DGKB: variants seen among roughly 807,000 people sequenced by gnomAD.
The protein encoded by DGKB is diacylglycerol kinase beta, also known as 90 kDa diacylglycerol kinase.
DGKB carries 67 observed loss-of-function variants against 114.3 expected under a neutral mutation model. The observed-to-expected ratio is 0.59, with a 90% confidence interval of 0.48 to 0.72. DGKB has a LOEUF of 0.72. Ranked by LOEUF, DGKB falls within the 30% of genes least tolerant of loss-of-function variation. The pLI is 0.00. For missense variants in DGKB, 907 were observed against 975.2 expected, an observed-to-expected ratio of 0.93 and a Z score of 0.93; for synonymous variants, 398 against 323.1, an observed-to-expected ratio of 1.23 and a Z score of -2.49.
At chr7:14,771,174 C>G (rs1282282439) in intron 2 of DGKB, among the ~76,000 whole-genome samples, 1 of 152,058 alleles carries the variant, frequency 6.6e-6, no homozygotes, top group African/African-American at 2.4e-5. Context: ...GTCTTCAGGA[C>G]TCTCAGACCT....
intron 22 of DGKB, among the ~76,000 whole-genome samples, chr7:14,343,155 A>T (rs1276990197): frequency 8.2e-6 from 1 of 122,566 alleles, no homozygotes; most frequent in East Asian, 2.4e-4. Context: ...TTGCCTAGCT[A>T]TCCACACACA....
chr7:14,404,952 C>A (rs1179019745), intron 21 of DGKB, among the ~76,000 whole-genome samples: 1 of 151,844 alleles, frequency 6.6e-6, no homozygotes, highest in East Asian at 1.9e-4. Context: ...CCTGGTTAAT[C>A]TCTGGGTAAT....
chr7:14,823,229 A>C (rs1016976739), intron 2 of DGKB, among the ~76,000 whole-genome samples: 1 of 151,924 alleles, frequency 6.6e-6, no homozygotes, highest in African/African-American at 2.4e-5. Flanking sequence ...ACAGTATTGA[A>C]ATATGTAGAT....
intron 1 of DGKB, among the ~76,000 whole-genome samples, chr7:14,870,396 A>G (rs1369992345): frequency 1.3e-5 from 2 of 152,184 alleles, no homozygotes; most frequent in Non-Finnish European, 2.9e-5. Context: ...GGCTCAGAAA[A>G]ATTTCCCAAC....
chr7:14,689,477 T>G (rs1164269779), intron 9 of DGKB, among the ~76,000 whole-genome samples: 1 of 152,088 alleles, frequency 6.6e-6, no homozygotes. Flanking sequence ...GGCCGAAACT[T>G]CTCTTTTAGA....
In DGKB at chr7:14,359,497, A is replaced by C. The variant is rs575908615; in HGVS notation, c.1836-14106T>G. On this transcript the variant is annotated intron_variant, in intron 21 of 25. Coordinates refer to ENST00000402815, the MANE Select transcript of DGKB (RefSeq NM_001350709.2). ...TAATTAAACTAAAGAGCTTCTGCAC[A>C]GCAAAAGAAACTACCATCAGAGTGA... 2.3e-4 allele frequency among the ~76,000 whole-genome samples: 35 copies of C among 152,306 alleles called. No homozygotes were observed. The East Asian group carries it at 6.6e-3, about 29-fold the overall frequency.
intron 1 of DGKB, among the ~76,000 whole-genome samples, chr7:14,847,246 G>C (rs966935800): frequency 1.3e-5 from 2 of 148,476 alleles, no homozygotes; most frequent in Non-Finnish European, 1.5e-5. Flanking sequence ...AGCCGAGATG[G>C]CGCCACTGCA....
chr7:14,577,982 A>T (rs1257963606), intron 19 of DGKB, among the ~76,000 whole-genome samples: 3 of 152,134 alleles, frequency 2.0e-5, no homozygotes, highest in Non-Finnish European at 4.4e-5. Context: ...TCCCCACTCA[A>T]ATCTCATTTT....
intron 13 of DGKB, among the ~76,000 whole-genome samples, chr7:14,637,921 A>T (rs1179839368): frequency 6.6e-6 from 1 of 152,086 alleles, no homozygotes; most frequent in Non-Finnish European, 1.5e-5. Context: ...ACAATTTCTA[A>T]ACAAGAGAAT....
At chr7:14,706,365 T>A (rs1208907954) in intron 6 of DGKB, among the ~76,000 whole-genome samples, 1 of 144,320 alleles carries the variant, frequency 6.9e-6, no homozygotes, top group African/African-American at 2.6e-5. Flanking sequence ...ACAATAATAA[T>A]GGGAGACTTT....
At chr7:14,154,447 G>A (rs985841446) in intron 25 of DGKB, among the ~76,000 whole-genome samples, 3 of 151,840 alleles carry the variant, frequency 2.0e-5, no homozygotes, top group East Asian at 3.9e-4. Context: ...AAGTTACTAC[G>A]ATTCATTTCC....
Position 14,272,087 on chromosome 7 carries a change from A to C in DGKB, c.2122+66428T>G, listed in dbSNP as rs899287796. Among the ~76,000 whole-genome samples the C allele has an allele frequency of 3.3e-5, 5 of 152,228 alleles. No individual in the cohort carries two copies. The South Asian group carries it at 1.0e-3, about 32-fold the overall frequency. On this transcript the variant is annotated intron_variant, in intron 23 of 25. Coordinates refer to ENST00000402815, the MANE Select transcript of DGKB (RefSeq NM_001350709.2). The stretch of plus-strand genomic sequence containing the variant: ...ATACAGTACCATATATGCATATACA[A>C]CTTAATAATCTGATGTGCAAGGCAA...
rs989573449 is a variant in DGKB, at chr7:14,841,439, T to C, written c.-176A>G. On this transcript the variant is annotated 5_prime_UTR_variant, in exon 2 of 26. Transcript: ENST00000402815. ...CTTTGGATGCTTGTAATTTCAATAA[T>C]GTGTTAAAGAACTGCAAAAAAAAAA... 4 of 419,602 alleles carry C rather than the reference T, an allele frequency of 9.5e-6. No homozygotes were observed. Among genetic ancestry groups the C allele is most frequent in the East Asian group, 3.5e-5 (1 of 28,320 alleles). The allele number at this position is 419,602 out of a possible 1,614,324, so 26.0% of individuals were successfully genotyped here.
At chr7:14,824,729 T>C (rs1375076501) in intron 2 of DGKB, among the ~76,000 whole-genome samples, 1 of 151,964 alleles carries the variant, frequency 6.6e-6, no homozygotes, top group African/African-American at 2.4e-5. Flanking sequence ...ACATTTACCC[T>C]TTTAAAAATT....
At chr7:14,558,072 T>G (rs868138351) in intron 20 of DGKB, among the ~76,000 whole-genome samples, 5 of 150,944 alleles carry the variant, frequency 3.3e-5, no homozygotes, top group Middle Eastern at 3.5e-3. Flanking sequence ...CATCTCCACA[T>G]TTTTATCTGT....
intron 23 of DGKB, among the ~76,000 whole-genome samples, chr7:14,245,980 G>T (rs761052974): frequency 2.0e-5 from 3 of 152,130 alleles, no homozygotes; most frequent in Non-Finnish European, 4.4e-5. Flanking sequence ...TGACGAGAAT[G>T]TGCTGGCTAG....
At chr7:14,188,026 T>C (rs1019907554) in intron 23 of DGKB, among the ~76,000 whole-genome samples, 4 of 151,746 alleles carry the variant, frequency 2.6e-5, no homozygotes, top group Non-Finnish European at 5.9e-5. Flanking sequence ...CCAAGCGGAA[T>C]TGGAGCAGAA....
intron 15 of DGKB, among the ~76,000 whole-genome samples, chr7:14,616,257 C>G (rs138462895): frequency 2.3e-3 from 338 of 148,848 alleles, no homozygotes; most frequent in African/African-American, 7.7e-3. Flanking sequence ...ATACAACCAT[C>G]AATAACAGAA....
intron 23 of DGKB, among the ~76,000 whole-genome samples, chr7:14,302,120 CA>C (rs1803669199): frequency 6.6e-6 from 1 of 151,940 alleles, no homozygotes; most frequent in Non-Finnish European, 1.5e-5. Flanking sequence ...TACCTAGACA[CA>C]AAAGAATAGA....
Sources: allele counts gnomAD v4.1 joint callset (sites outside exome capture counted in the v4.1 genomes callset), GRCh38; gene constraint gnomAD v4.1.1; transcripts MANE v1.5; gene names NCBI Gene and HGNC (gene_info 2026-07-23, HGNC 2026-07-21).